The following TMEM242 variants were observed in gnomAD, a reference collection of about 807,000 sequenced individuals.
The protein encoded by TMEM242 is transmembrane protein 242.
A neutral mutation model predicts 18.2 loss-of-function variants in TMEM242; 10 were observed. That is an observed-to-expected ratio of 0.55 (90% CI 0.34 to 0.93). The LOEUF (loss-of-function observed/expected upper bound fraction) is 0.93, where lower values mean the gene tolerates loss of function less well. TMEM242 is among the 40% of genes least tolerant of loss of function. The pLI is 0.02. For missense variants in TMEM242, 186 were observed against 175.5 expected (o/e 1.06, Z -0.34); for synonymous variants, 57 against 69.9 (o/e 0.81, Z 0.92).
At chr6:157,313,363 C>A (rs1322425857) in intron 3 of TMEM242, among the ~76,000 whole-genome samples, 2 of 140,978 alleles carry the variant, frequency 1.4e-5, no homozygotes, top group Admixed American at 7.2e-5. Flanking sequence ...CTCACCTGGC[C>A]TCATCATAGT....
rs587665319 is a variant in TMEM242 at position 157,290,861 on chromosome 6, A to G, written c.*2040T>C. On this transcript the variant is annotated 3_prime_UTR_variant, in exon 4 of 4. Transcript: ENST00000400788. Reference sequence around the variant, plus strand: ...TCATTCTAATGGGAGTTCCCCTGCCATCGGTCAAGGACAGCAGAGGTGACA... The same window carrying G: ...TCATTCTAATGGGAGTTCCCCTGCCGTCGGTCAAGGACAGCAGAGGTGACA... 38 of 152,352 alleles carry G rather than the reference A, an allele frequency of 2.5e-4. No individual in the cohort carries two copies. The highest frequency in any genetic ancestry group is 8.2e-4 in the African/African-American group (34 of 41,580). 9.4% of individuals were successfully genotyped at this position (152,352 alleles called of 1,614,324 possible). A position where few individuals can be genotyped will look rare whatever the true frequency, so the allele number is the denominator to read the frequency against.
chr6:157,304,695 A>G (rs1554247796), intron 3 of TMEM242, among the ~76,000 whole-genome samples: 2 of 152,316 alleles, frequency 1.3e-5, no homozygotes, highest in Admixed American at 6.5e-5. Flanking sequence ...AATGGTCAAT[A>G]TCATCTCGTT....
At chr6:157,312,607 C>A (rs1554249333) in intron 3 of TMEM242, among the ~76,000 whole-genome samples, 48 of 149,932 alleles carry the variant, frequency 3.2e-4, no homozygotes, top group East Asian at 9.9e-4. Flanking sequence ...AGTGTGCACT[C>A]ACCTAGCCTC....
At chr6:157,293,146 A>G in intron 3 of TMEM242, 147 bp from the exon 4 acceptor site, 2 of 550,400 alleles carry the variant, frequency 3.6e-6, no homozygotes, top group Admixed American at 3.1e-5. Flanking sequence ...GACTATATAT[A>G]TCCTAGGTAT....
At chr6:157,311,342 C>T (rs1583565538) in intron 3 of TMEM242, among the ~76,000 whole-genome samples, 134 of 128,164 alleles carry the variant, frequency 1.0e-3, no homozygotes, top group African/African-American at 1.7e-3. Flanking sequence ...ATCATAGTGT[C>T]CCAGTGTGCG....
intron 3 of TMEM242, chr6:157,299,704 C>A: frequency 6.2e-7 from 1 of 1,609,780 alleles, no homozygotes; most frequent in Non-Finnish European, 8.5e-7. Context: ...GCGTTTCTCC[C>A]TTTTCTTGAC....
rs1434524593 is a variant in TMEM242, at chr6:157,323,360, G to C, written c.88+52C>G. On this transcript the variant is annotated intron_variant, in intron 1 of 3. Transcript: ENST00000400788. ...GAATGCCCGCTCCAGAGCAAGCCAG[G>C]GTCCGGGGTTAACTCACCCCGACGC... is the stretch of plus-strand genomic sequence containing the variant. The C allele has an allele frequency of 3.2e-6, 5 of 1,583,358 alleles. No homozygotes were observed. The Admixed American group carries it at 6.8e-5, about 21-fold the overall frequency.
chr6:157,310,807 T>TGC (rs1778014176), intron 3 of TMEM242, among the ~76,000 whole-genome samples: 1 of 1,248 alleles, frequency 8.0e-4, no homozygotes, highest in Admixed American at 9.6e-3. Context: ...CATCATAGGG[T>TGC]CCCAGTGTGC....
chr6:157,311,967 C>T (rs1426063224), intron 3 of TMEM242, among the ~76,000 whole-genome samples: 1 of 47,746 alleles, frequency 2.1e-5, no homozygotes. Context: ...AGTGTGCAAT[C>T]ACCTGGCCTC....
intron 3 of TMEM242, among the ~76,000 whole-genome samples, chr6:157,304,208 G>A (rs1295906175): frequency 3.3e-5 from 5 of 152,108 alleles, no homozygotes; most frequent in East Asian, 3.8e-4. Flanking sequence ...ACTCGCACCT[G>A]TGATCCAAGC....
intron 3 of TMEM242, chr6:157,300,127 G>A: frequency 1.6e-6 from 1 of 620,286 alleles, no homozygotes. Context: ...TCCAACTCAT[G>A]GCTGCTCACT....
chr6:157,296,383 T>C (rs1374719975), intron 3 of TMEM242, among the ~76,000 whole-genome samples: 1 of 152,134 alleles, frequency 6.6e-6, no homozygotes, highest in African/African-American at 2.4e-5. Context: ...CAGGGGGTGC[T>C]TTCCATAAAA....
In TMEM242 at chr6:157,302,070, G is replaced by A. The variant is rs146890163; in HGVS notation, c.328-9071C>T. Among the ~76,000 whole-genome samples, 10 of 152,274 alleles carry A rather than the reference G, an allele frequency of 6.6e-5. No individual in the cohort carries two copies. In the South Asian group the frequency reaches 1.9e-3, roughly 28 times the overall value. On this transcript the variant is annotated intron_variant, in intron 3 of 3. Coordinates refer to ENST00000400788, the MANE Select transcript of TMEM242 (RefSeq NM_018452.6). Reference sequence around the variant, plus strand: ...CCTCCTGGCCATGTTTTCCCTATCAGTAAGGATCAGATACCCCGTTCAGAT... The same window carrying A: ...CCTCCTGGCCATGTTTTCCCTATCAATAAGGATCAGATACCCCGTTCAGAT...
In TMEM242 at chr6:157,318,784, T is replaced by C; in HGVS notation, c.325A>G (p.Ser109Gly). ...FAVWKALGVH[S>G]MNDFRSKMQS... is the part of the protein sequence containing the mutation. ...GGGACAAGACAGTAGTTACTTACAC[T>C]GTGAACTCCTAAAGCTTTCCAGACT... The change falls in exon 3 of 4, where the codon AGT becomes GGT. Residue 109 changes from serine (S) to glycine (G), a missense_variant and splice_region_variant. Transcript: ENST00000400788. The C allele has an allele frequency of 1.2e-6, 2 of 1,614,058 alleles. No homozygotes were observed. The highest frequency in any genetic ancestry group is 2.2e-5 in the South Asian group (2 of 91,080).
rs879960464 is a variant in TMEM242 at position 157,289,650 on chromosome 6, T to C, written c.*3251A>G. ...TGTTGCCCCAAGTGAAATAGCTAAA[T>C]TCAATGGATTTTAATTACTTTTATC... On this transcript the variant is annotated 3_prime_UTR_variant, in exon 4 of 4. Transcript: ENST00000400788. 2 of 152,162 alleles carry C rather than the reference T, an allele frequency of 1.3e-5. No homozygotes were observed. Among genetic ancestry groups the C allele is most frequent in the Admixed American group, 6.5e-5 (1 of 15,280 alleles). 9.4% of individuals were successfully genotyped at this position (152,162 alleles called of 1,614,324 possible).
At chr6:157,323,324 G>C (rs1405735619) in intron 1 of TMEM242, 88 bp downstream of exon 1, 2 of 1,381,148 alleles carry the variant, frequency 1.4e-6, no homozygotes, top group Non-Finnish European at 2.0e-6. Flanking sequence ...CTCAGAGCGG[G>C]ATGTGTGTGG....
chr6:157,316,805 G>C (rs1441627810), intron 3 of TMEM242, among the ~76,000 whole-genome samples: 2 of 152,188 alleles, frequency 1.3e-5, no homozygotes, highest in Admixed American at 1.3e-4. Context: ...GAGCCCAGGA[G>C]GCTGCAGTGA....
chr6:157,296,566 C>G (rs1158752134), intron 3 of TMEM242, among the ~76,000 whole-genome samples: 1 of 152,196 alleles, frequency 6.6e-6, no homozygotes, highest in Non-Finnish European at 1.5e-5. Flanking sequence ...GCCTGTAGCC[C>G]CAGCTACTCA....
rs188821296 is a variant in TMEM242 at position 157,295,879 on chromosome 6, A to G, written c.328-2880T>C. On this transcript the variant is annotated intron_variant, in intron 3 of 3. Coordinates refer to ENST00000400788, the MANE Select transcript of TMEM242 (RefSeq NM_018452.6). ...TCGAAACGCAGACATTTAAGATATA[A>G]ACAGGGCCTCAAGTGGCTTTAGAGA... Among the ~76,000 whole-genome samples, 20 of 152,246 alleles carry G rather than the reference A, an allele frequency of 1.3e-4. No individual in the cohort carries two copies. In the East Asian group the frequency reaches 3.7e-3, roughly 28 times the overall value.
Sources: allele counts gnomAD v4.1 joint callset (sites outside exome capture counted in the v4.1 genomes callset), GRCh38; gene constraint gnomAD v4.1.1; transcripts MANE v1.5; gene names NCBI Gene and HGNC (gene_info 2026-07-23, HGNC 2026-07-21).